Variants in SATB1 observed in about 807,000 individuals in gnomAD.
SATB1 encodes DNA-binding protein SATB1.
In SATB1, 11 loss-of-function variants were observed where a neutral mutation model predicts 86.9. The observed-to-expected ratio is 0.13, with a 90% CI of 0.08 to 0.21. SATB1 has a LOEUF of 0.21. SATB1 is among the 10% of genes least tolerant of loss of function. The pLI is 1.00. For missense variants in SATB1, 551 were observed against 937.6 expected (o/e 0.59, Z 5.39); for synonymous variants, 357 against 357.2 (o/e 1.00, Z 0.01).
chr3:18,421,093 T>G, intron 1 of SATB1, 102 bp from the exon 2 acceptor site: 1 of 730,372 alleles, frequency 1.4e-6, no homozygotes, highest in Non-Finnish European at 2.3e-6. Flanking sequence ...TCTCCACAAA[T>G]ATAATGTATT....
intron 9 of SATB1, among the ~76,000 whole-genome samples, chr3:18,364,286 A>G (rs114148615): frequency 0.018 from 2,789 of 152,294 alleles, 51 homozygotes; most frequent in African/African-American, 0.038. Context: ...AAAATCAATT[A>G]TACTGAAATA....
At chr3:18,417,891 CTCTT>C (rs1198436036) in intron 2 of SATB1, among the ~76,000 whole-genome samples, 2 of 152,052 alleles carry the variant, frequency 1.3e-5, no homozygotes, top group African/African-American at 4.8e-5. Context: ...GGTGTGCTCT[CTCTT>C]TATATATTTT....
chr3:18,351,815 C>G, intron 10 of SATB1, 177 bp downstream of exon 10: 1 of 626,000 alleles, frequency 1.6e-6, no homozygotes, highest in Non-Finnish European at 2.8e-6. Context: ...GATACATACG[C>G]TGGAAAAAGT....
chr3:18,422,399 A>G (rs894242951), intron 1 of SATB1, among the ~76,000 whole-genome samples: 1 of 152,216 alleles, frequency 6.6e-6, no homozygotes, highest in Admixed American at 6.5e-5. Flanking sequence ...CAACCTTAAG[A>G]ATGCCAATTG....
intron 5 of SATB1, among the ~76,000 whole-genome samples, chr3:18,406,110 C>T (rs936373449): frequency 2.0e-5 from 3 of 151,896 alleles, no homozygotes; most frequent in African/African-American, 4.8e-5. Context: ...CTGGTGATCA[C>T]GCAGAAAGTG....
intron 7 of SATB1, among the ~76,000 whole-genome samples, chr3:18,390,467 C>A (rs1011065965): frequency 6.6e-6 from 1 of 152,180 alleles, no homozygotes; most frequent in Non-Finnish European, 1.5e-5. Flanking sequence ...TTATCTCTGT[C>A]GTTTGGCAGG....
intron 5 of SATB1, chr3:18,409,573 C>G (rs1452300161): frequency 2.6e-5 from 4 of 151,974 alleles, no homozygotes; most frequent in South Asian, 2.1e-4. Flanking sequence ...CCCACCATTA[C>G]AGTAATACAA....
intron 10 of SATB1, chr3:18,351,480 C>A: frequency 8.4e-7 from 1 of 1,193,562 alleles, no homozygotes; most frequent in Admixed American, 2.2e-5. Context: ...ACAGCTATTA[C>A]ATACAAGGTG....
chr3:18,363,921 T>C (rs1028844499), intron 9 of SATB1, among the ~76,000 whole-genome samples: 1 of 152,170 alleles, frequency 6.6e-6, no homozygotes, highest in Non-Finnish European at 1.5e-5. Context: ...CAGCACTGCA[T>C]GTGGGCATGC....
In SATB1 at chr3:18,416,000, G is replaced by T; in HGVS notation, c.515+7C>A. On this transcript the variant is annotated splice_region_variant and intron_variant, in intron 4 of 10. Transcript: ENST00000338745. Reference sequence around the variant, plus strand: ...TGTTTCACCCTAGATTTGCTGTCTTGACTCACCTGTGTAACTGAATTTTCA... The same window carrying T: ...TGTTTCACCCTAGATTTGCTGTCTTTACTCACCTGTGTAACTGAATTTTCA... The T allele has an allele frequency of 6.3e-7, 1 of 1,590,102 alleles. No individual in the cohort carries two copies. The highest frequency in any genetic ancestry group is 1.1e-5 in the South Asian group (1 of 88,102).
chr3:18,391,738 C>G (rs1451227012), intron 7 of SATB1, among the ~76,000 whole-genome samples: 1 of 152,102 alleles, frequency 6.6e-6, no homozygotes, highest in Non-Finnish European at 1.5e-5. Flanking sequence ...TCTATACATA[C>G]GCATTAGCAT....
upstream of SATB1, among the ~76,000 whole-genome samples, chr3:18,443,124 T>G (rs1185519561): frequency 6.6e-6 from 1 of 152,112 alleles, no homozygotes; most frequent in Non-Finnish European, 1.5e-5. The surrounding 1 kb of genome is among the most constrained non-coding windows in gnomAD (Gnocchi z 4.4). Context: ...TTGGATAGAG[T>G]GTAAATTTCA....
intron 9 of SATB1, among the ~76,000 whole-genome samples, chr3:18,370,741 T>C (rs946346984): frequency 4.6e-5 from 7 of 151,740 alleles, no homozygotes; most frequent in African/African-American, 1.5e-4. Context: ...ATTCTTCCTG[T>C]TGAACAGAAA....
intron 6 of SATB1, among the ~76,000 whole-genome samples, chr3:18,396,115 G>T (rs1696952717): frequency 6.6e-6 from 1 of 152,012 alleles, no homozygotes; most frequent in South Asian, 2.1e-4. Context: ...AGCCCAAGTG[G>T]GCCATTCACA....
chr3:18,370,761 T>C (rs1695441921), intron 9 of SATB1, among the ~76,000 whole-genome samples: 1 of 152,086 alleles, frequency 6.6e-6, no homozygotes. Context: ...AACAGAGGCC[T>C]CATCAAGAAA....
chr3:18,415,260 G>A (rs776556372), intron 4 of SATB1, 26 bp from the exon 5 acceptor site: 2 of 1,611,146 alleles, frequency 1.2e-6, no homozygotes, highest in Non-Finnish European at 1.7e-6. Context: ...ATTAGAAAGG[G>A]GATTATTACA....
chr3:18,422,023 T>A lies in SATB1; in HGVS notation c.-24-1032A>T, dbSNP rs374036877. Among the ~76,000 whole-genome samples the A allele has an allele frequency of 2.5e-3, 386 of 152,244 alleles. 2 individuals are homozygous for A. Among genetic ancestry groups the A allele is most frequent in the African/African-American group, 8.9e-3 (368 of 41,558 alleles). Reference sequence around the variant, plus strand: ...AATTTTCCCATCATTTATAGTAAAGTGATTAGACAATATCAAAGTCATTTT... The same window carrying A: ...AATTTTCCCATCATTTATAGTAAAGAGATTAGACAATATCAAAGTCATTTT... On this transcript the variant is annotated intron_variant, in intron 1 of 10. Coordinates refer to ENST00000338745, the MANE Select transcript of SATB1 (RefSeq NM_002971.6).
In SATB1 at chr3:18,349,791, A is replaced by G. The variant is rs577764185; in HGVS notation, c.1780-109T>C. 27 of 1,447,796 alleles carry G rather than the reference A, an allele frequency of 1.9e-5. No individual in the cohort carries two copies. The highest frequency in any genetic ancestry group is 2.4e-5 in the Non-Finnish European group (26 of 1,104,100). The allele number at this position is 1,447,796 out of a possible 1,614,324, so 89.7% of individuals were successfully genotyped here. A position where few individuals can be genotyped will look rare whatever the true frequency, so the allele number is the denominator to read the frequency against. ...CCGGATCCTACATATAGCTTCTTTG[A>G]TAGGGATGAAGATTTAGAAAGAAAA... is the stretch of plus-strand genomic sequence containing the variant. On this transcript the variant is annotated intron_variant, in intron 10 of 10. Coordinates refer to ENST00000338745, the MANE Select transcript of SATB1 (RefSeq NM_002971.6). This position sits in a 1 kb window ranked among gnomAD's most constrained non-coding sequence, Gnocchi z 5.5.
chr3:18,419,567 C>T (rs900763130), intron 2 of SATB1, among the ~76,000 whole-genome samples: 2 of 152,156 alleles, frequency 1.3e-5, no homozygotes, highest in African/African-American at 4.8e-5. Flanking sequence ...ATTTATGGAA[C>T]TTACATGTTT....
Sources: gnomAD v4.1 joint callset for allele counts (sites outside exome capture counted in the v4.1 genomes callset) on GRCh38, gnomAD v4.1.1 for gene constraint, Gnocchi (gnomAD v3.1) non-coding constraint, MANE v1.5 for transcripts, NCBI Gene and HGNC (gene_info 2026-07-23, HGNC 2026-07-21) for gene names.